GARIN2: variants seen among roughly 807,000 people sequenced by gnomAD.
GARIN2 encodes Golgi-associated RAB2 interactor protein 2.
At chr14:67,197,876 C>G in the GARIN2 span, among the ~76,000 whole-genome samples, 2 of 152,096 alleles carry the variant, frequency 1.3e-5, no homozygotes, top group African/African-American at 4.8e-5. Context: ...TTTTCAAGTC[C>G]TGATAGTCCC....
chr14:67,224,951 C>T, the GARIN2 span: 1 of 579,490 alleles, frequency 1.7e-6, no homozygotes. Flanking sequence ...AGAATAAATA[C>T]ATTTTTGATG....
At chr14:67,199,250 G>A in the GARIN2 span, 1 of 1,598,980 alleles carries the variant, frequency 6.3e-7, no homozygotes. Context: ...ATTCTTGAGT[G>A]AGGATGATGC....
At chr14:67,201,438 C>T in the GARIN2 span, 2 of 456,088 alleles carry the variant, frequency 4.4e-6, no homozygotes, top group Non-Finnish European at 4.4e-6. Flanking sequence ...AAGCCAGCTC[C>T]CCTCAGGGCC....
At chr14:67,209,306 AAG>A in the GARIN2 span, among the ~76,000 whole-genome samples, 117 of 152,118 alleles carry the variant, frequency 7.7e-4, no homozygotes, top group African/African-American at 2.8e-3. Flanking sequence ...TGAAAATAAA[AAG>A]AGAGAGAGAG....
the GARIN2 span, among the ~76,000 whole-genome samples, chr14:67,210,784 A>G: frequency 6.6e-6 from 1 of 152,154 alleles, no homozygotes; most frequent in East Asian, 1.9e-4. Context: ...AGGCCGAGGG[A>G]TGCAGATAGC....
At chr14:67,215,496 A>C in the GARIN2 span, among the ~76,000 whole-genome samples, 2 of 142,864 alleles carry the variant, frequency 1.4e-5, no homozygotes, top group African/African-American at 2.9e-5. Flanking sequence ...GTTAGAAGAG[A>C]AAGTACAAAG....
the GARIN2 span, chr14:67,204,629 T>C: frequency 6.2e-7 from 1 of 1,613,768 alleles, no homozygotes; most frequent in Non-Finnish European, 8.5e-7. Flanking sequence ...GCCTACTACT[T>C]ACAGCTCTGC....
At chr14:67,202,087 G>C in the GARIN2 span, among the ~76,000 whole-genome samples, 2 of 152,196 alleles carry the variant, frequency 1.3e-5, no homozygotes, top group African/African-American at 4.8e-5. Context: ...GCCAGAACTG[G>C]TCGATTGGTA....
the GARIN2 span, among the ~76,000 whole-genome samples, chr14:67,205,617 CAGAG>C: frequency 1.3e-5 from 2 of 152,226 alleles, no homozygotes; most frequent in South Asian, 2.1e-4. Flanking sequence ...AGTGGAAAAA[CAGAG>C]AGTCACGTCC....
At chr14:67,214,324 T>C in the GARIN2 span, among the ~76,000 whole-genome samples, 2 of 152,196 alleles carry the variant, frequency 1.3e-5, no homozygotes, top group Non-Finnish European at 2.9e-5. Flanking sequence ...CTTTAATCCA[T>C]CTTGAATTAA....
chr14:67,205,787 G>A, the GARIN2 span, among the ~76,000 whole-genome samples: 2 of 152,232 alleles, frequency 1.3e-5, no homozygotes, highest in Non-Finnish European at 2.9e-5. Flanking sequence ...CTGTGTAAGG[G>A]AATGAAGGAG....
the GARIN2 span, chr14:67,225,265 G>T: frequency 1.5e-5 from 22 of 1,496,064 alleles, no homozygotes; most frequent in Non-Finnish European, 1.9e-5. Flanking sequence ...ACAAACTAAA[G>T]GTAACTTTTT....
At chr14:67,199,452 A>G in the GARIN2 span, 3 of 1,613,064 alleles carry the variant, frequency 1.9e-6, no homozygotes, top group East Asian at 2.2e-5. Flanking sequence ...CAAACCCCCA[A>G]GATTATGTGG....
the GARIN2 span, chr14:67,225,300 A>G: frequency 1.5e-6 from 2 of 1,356,770 alleles, no homozygotes; most frequent in African/African-American, 1.5e-5. Context: ...ATAGGAATAC[A>G]TGATAGCTAT....
chr14:67,224,678 A>G, the GARIN2 span: 1 of 319,992 alleles, frequency 3.1e-6, no homozygotes, highest in Non-Finnish European at 6.0e-6. Flanking sequence ...ATTCTTTGAT[A>G]TTTTTTCCAA....
the GARIN2 span, among the ~76,000 whole-genome samples, chr14:67,221,070 G>A: frequency 6.6e-6 from 1 of 152,140 alleles, no homozygotes; most frequent in Non-Finnish European, 1.5e-5. Flanking sequence ...GTTTTAGTAT[G>A]CCAATGAGGT....
At chr14:67,208,109 T>C in the GARIN2 span, 5 of 1,531,386 alleles carry the variant, frequency 3.3e-6, no homozygotes, top group Admixed American at 6.1e-5. Context: ...TGACGATGAA[T>C]GAAATGGTGC....
At chr14:67,222,195 A>G in the GARIN2 span, among the ~76,000 whole-genome samples, 23,821 of 152,110 alleles carry the variant, frequency 0.16, 3,527 homozygotes, top group East Asian at 0.42. Flanking sequence ...ATGGTCCACA[A>G]CTAAATTTTT....
chr14:67,192,538 C>T, the GARIN2 span, among the ~76,000 whole-genome samples: 1 of 151,648 alleles, frequency 6.6e-6, no homozygotes. Flanking sequence ...ACCGAGAAGG[C>T]AAAGCAGAGT....
Sources: allele counts gnomAD v4.1 joint callset (sites outside exome capture counted in the v4.1 genomes callset), GRCh38; gene constraint gnomAD v4.1.1; transcripts MANE v1.5; gene names NCBI Gene and HGNC (gene_info 2026-07-23, HGNC 2026-07-21).